OR2L13: variants seen among roughly 807,000 people sequenced by gnomAD.
The protein encoded by OR2L13 is olfactory receptor 2L13.
In OR2L13, 14 loss-of-function variants were observed where a neutral mutation model predicts 15.3. The ratio of observed to expected loss-of-function variants is 0.91; its 90% CI spans 0.60 to 1.43. OR2L13 has a LOEUF of 1.43. Ranked by LOEUF, OR2L13 falls within the 40% of genes most tolerant of loss-of-function variation. OR2L13 has a pLI of 0.00. For missense variants in OR2L13, 367 were observed against 387.9 expected (o/e 0.95, Z 0.45); for synonymous variants, 152 against 142.9 (o/e 1.06, Z -0.45).
chr1:248,003,834 A>C, the OR2L13 span: 1 of 1,613,580 alleles, frequency 6.2e-7, no homozygotes, highest in Non-Finnish European at 8.5e-7. Context: ...GGGAAGAAGA[A>C]GGCCTACCTG....
chr1:248,100,506 A>G, exon 3 of OR2L13: 1 of 306,968 alleles, frequency 3.3e-6, no homozygotes. Context: ...AACAATATTG[A>G]TGTTAATTAC....
At chr1:248,055,151 G>C in the OR2L13 span, among the ~76,000 whole-genome samples, 1 of 152,094 alleles carries the variant, frequency 6.6e-6, no homozygotes, top group Non-Finnish European at 1.5e-5. Flanking sequence ...AACATGAAGG[G>C]AAGTCGAATT....
chr1:248,061,844 C>A, the OR2L13 span: 1 of 387,202 alleles, frequency 2.6e-6, no homozygotes, highest in South Asian at 8.1e-5. Context: ...TTGAAAGCAC[C>A]TACTTTTACT....
chr1:248,044,532 G>A, the OR2L13 span, among the ~76,000 whole-genome samples: 2 of 85,032 alleles, frequency 2.4e-5, 1 homozygote, highest in Non-Finnish European at 3.9e-5. Flanking sequence ...GGCCGGGCGC[G>A]GTGGCTCACG....
the OR2L13 span, among the ~76,000 whole-genome samples, chr1:247,999,949 C>G: frequency 8.6e-5 from 13 of 152,046 alleles, no homozygotes; most frequent in Admixed American, 7.2e-4. Context: ...TAGGATATTA[C>G]AGATATCACT....
chr1:247,982,047 C>T, the OR2L13 span, among the ~76,000 whole-genome samples: 1 of 152,174 alleles, frequency 6.6e-6, no homozygotes, highest in Admixed American at 6.5e-5. Context: ...AATCTCCTGA[C>T]CTCGTGATCC....
chr1:248,066,952 G>T, the OR2L13 span, among the ~76,000 whole-genome samples: 28 of 152,296 alleles, frequency 1.8e-4, no homozygotes, highest in South Asian at 5.4e-3. Context: ...TTTATTAAAA[G>T]TAAATGATCA....
At chr1:248,013,768 T>C in the OR2L13 span, 1 of 152,170 alleles carries the variant, frequency 6.6e-6, no homozygotes, top group African/African-American at 2.4e-5. Context: ...TTTAAAATTT[T>C]TATTGATCAT....
At chr1:248,035,186 C>T in the OR2L13 span, among the ~76,000 whole-genome samples, 416 of 152,042 alleles carry the variant, frequency 2.7e-3, 1 homozygote, top group African/African-American at 9.3e-3. Flanking sequence ...CACGGTGGCT[C>T]ATGCCTGTAA....
At chr1:248,064,925 C>T in the OR2L13 span, among the ~76,000 whole-genome samples, 2 of 152,148 alleles carry the variant, frequency 1.3e-5, no homozygotes, top group East Asian at 1.9e-4. Context: ...TAGGTTCTGG[C>T]TCAGGAAAGC....
At chr1:248,001,024 A>G in the OR2L13 span, among the ~76,000 whole-genome samples, 3 of 152,084 alleles carry the variant, frequency 2.0e-5, no homozygotes, top group African/African-American at 7.2e-5. Context: ...GATGAACTAC[A>G]CCACACATTT....
At chr1:248,010,910 G>T in the OR2L13 span, among the ~76,000 whole-genome samples, 1 of 151,120 alleles carries the variant, frequency 6.6e-6, no homozygotes, top group Non-Finnish European at 1.5e-5. Flanking sequence ...TATCCAATTT[G>T]CCAGCCTATG....
the OR2L13 span, among the ~76,000 whole-genome samples, chr1:248,068,388 G>A: frequency 6.6e-6 from 1 of 151,858 alleles, no homozygotes; most frequent in East Asian, 1.9e-4. Context: ...AGGCAAACAG[G>A]GTCTGGAGTG....
the OR2L13 span, among the ~76,000 whole-genome samples, chr1:247,961,870 T>A: frequency 6.6e-6 from 1 of 152,258 alleles, no homozygotes; most frequent in African/African-American, 2.4e-5. Flanking sequence ...AGCCTGATTC[T>A]CGTGTGTTTC....
chr1:248,100,962 A>G (rs1457565619), exon 3 of OR2L13: 1 of 155,458 alleles, frequency 6.4e-6, no homozygotes, highest in Non-Finnish European at 1.5e-5. Context: ...CATTTTTAGC[A>G]TATGCACATT....
chr1:248,085,469 CA>C, the OR2L13 span, among the ~76,000 whole-genome samples: 3,820 of 67,828 alleles, frequency 0.056, 108 homozygotes, highest in East Asian at 0.14. Flanking sequence ...AGAGAAGCAC[CA>C]AAAAAAAAAA....
the OR2L13 span, among the ~76,000 whole-genome samples, chr1:248,050,379 T>C: frequency 6.6e-6 from 1 of 152,296 alleles, no homozygotes; most frequent in Middle Eastern, 3.4e-3. Flanking sequence ...TTTGGATTTA[T>C]TTTTACATAA....
At chr1:247,974,274 G>A in the OR2L13 span, among the ~76,000 whole-genome samples, 2 of 152,104 alleles carry the variant, frequency 1.3e-5, no homozygotes, top group Non-Finnish European at 2.9e-5. Context: ...CCTTTGTGGG[G>A]GGGCCAAGAG....
chr1:247,939,222 C>A, the OR2L13 span: 3 of 152,160 alleles, frequency 2.0e-5, no homozygotes, highest in African/African-American at 7.2e-5. Context: ...ATTCTTATAT[C>A]TACATCAGAT....
Sources: allele counts gnomAD v4.1 joint callset (sites outside exome capture counted in the v4.1 genomes callset), GRCh38; gene constraint gnomAD v4.1.1; transcripts MANE v1.5; gene names NCBI Gene and HGNC (gene_info 2026-07-23, HGNC 2026-07-21).